PACSIN1: variants seen among roughly 807,000 people sequenced by gnomAD.
PACSIN1 encodes protein kinase C and casein kinase substrate in neurons protein 1.
PACSIN1 carries 15 observed loss-of-function variants against 59.5 expected under a neutral mutation model. The observed-to-expected ratio is 0.25, with a 90% CI of 0.17 to 0.39. The LOEUF is 0.39. Ranked by LOEUF, PACSIN1 falls within the 10% of genes least tolerant of loss-of-function variation. PACSIN1 has a pLI of 1.00. For synonymous variants in PACSIN1, 210 were observed against 220.6 expected, an observed-to-expected ratio of 0.95 and a Z score of 0.42; for missense variants, 420 against 580.2, an observed-to-expected ratio of 0.72 and a Z score of 2.84.
Position 34,531,668 on chromosome 6 carries a change from T to C in PACSIN1, c.1106T>C (p.Phe369Ser), listed in dbSNP as rs1767596084. The change falls in exon 9 of 10, where the codon TTT becomes TCT. Residue 369 changes from phenylalanine to serine, a missense_variant. Physicochemically the swap from Phe to Ser is radical, Grantham distance 155. Coordinates refer to ENST00000244458, the MANE Select transcript of PACSIN1 (RefSeq NM_020804.5). This position sits in a 1 kb window ranked among gnomAD's most constrained non-coding sequence, Gnocchi z 4.4. ...TCAGACGACGAGAGTGGGAACCCCT[T>C]TGGGGGCAGTGAGACCAACGGGGGC... ...EWSDDESGNP[F>S]GGSETNGGAN... The C allele has an allele frequency of 6.2e-7, 1 of 1,613,544 alleles. No homozygotes were observed. Among genetic ancestry groups the C allele is most frequent in the African/African-American group, 1.3e-5 (1 of 74,826 alleles).
Position 34,524,768 on chromosome 6 carries a change from C to T in PACSIN1, c.-63-1475C>T, listed in dbSNP as rs182440927. On this transcript the variant is annotated intron_variant, in intron 1 of 9. Transcript: ENST00000244458. ...TGTTCCCGGGTGAAGGGTGTGTACC[C>T]CATAATTGTATCAATAACAATTGTA... Among the ~76,000 whole-genome samples the T allele has an allele frequency of 4.2e-4, 64 of 152,326 alleles. 1 individual carries two copies. The highest frequency in any genetic ancestry group is 3.7e-3 in the Admixed American group (56 of 15,306).
chr6:34,509,920 GA>G (rs1235310314), intron 1 of PACSIN1, among the ~76,000 whole-genome samples: 2 of 152,218 alleles, frequency 1.3e-5, no homozygotes, highest in Middle Eastern at 3.2e-3. Flanking sequence ...TTAGTGTACA[GA>G]ATCAGCTTGA....
rs1157327258 is a variant in PACSIN1 at position 34,528,893 on chromosome 6, T to A, written c.456+16T>A. The A allele has an allele frequency of 4.4e-6, 2 of 451,854 alleles. No individual in the cohort carries two copies. The highest frequency in any genetic ancestry group is 4.9e-5 in the Admixed American group (2 of 40,702). 28.0% of individuals were successfully genotyped at this position (451,854 alleles called of 1,614,324 possible). A position where few individuals can be genotyped will look rare whatever the true frequency, so the allele number is the denominator to read the frequency against. ...GATGAAGGAGGTGCTCAGTGGGTGCTGCCACGGGCGGGGTGGGGTGGGCCC... is the reference window on the plus strand; with the variant it reads ...GATGAAGGAGGTGCTCAGTGGGTGCAGCCACGGGCGGGGTGGGGTGGGCCC... On this transcript the variant is annotated intron_variant, in intron 4 of 9. Transcript: ENST00000244458.
intron 1 of PACSIN1, among the ~76,000 whole-genome samples, chr6:34,468,909 T>A (rs1766533844): frequency 7.2e-6 from 1 of 138,374 alleles, no homozygotes; most frequent in African/African-American, 2.7e-5. Context: ...GAGTGACTGT[T>A]GGTCCCATCA....
chr6:34,521,600 C>G lies in PACSIN1; in HGVS notation c.-63-4643C>G, dbSNP rs1483784209. ...GCTGGCTCCAGAGCCCTGCACCCCC[C>G]AGTCTGCACTTCACAGGCTGCATCA... On this transcript the variant is annotated intron_variant, in intron 1 of 9. Transcript: ENST00000244458. This position sits in a 1 kb window ranked among gnomAD's most constrained non-coding sequence, Gnocchi z 4.3. Among the ~76,000 whole-genome samples, 2 of 152,162 alleles carry G rather than the reference C, an allele frequency of 1.3e-5. No homozygotes were observed. Among genetic ancestry groups the G allele is most frequent in the Admixed American group, 6.5e-5 (1 of 15,286 alleles).
At chr6:34,474,992 G>T (rs530791348) in intron 1 of PACSIN1, among the ~76,000 whole-genome samples, 1 of 152,134 alleles carries the variant, frequency 6.6e-6, no homozygotes, top group East Asian at 1.9e-4. Context: ...GGCCTACATG[G>T]CTCATGATGT....
chr6:34,500,298 G>A (rs543457943), intron 1 of PACSIN1, among the ~76,000 whole-genome samples: 105 of 152,192 alleles, frequency 6.9e-4, no homozygotes, highest in African/African-American at 2.2e-3. Flanking sequence ...TGCCTGATTC[G>A]CAAATAAAAA....
intron 1 of PACSIN1, among the ~76,000 whole-genome samples, chr6:34,478,354 G>A (rs533687293): frequency 5.2e-5 from 6 of 115,404 alleles, no homozygotes. Context: ...CCACCACGCC[G>A]AGCCTATTTA....
intron 1 of PACSIN1, among the ~76,000 whole-genome samples, chr6:34,493,343 G>T (rs1766904223): frequency 6.6e-6 from 1 of 152,158 alleles, no homozygotes; most frequent in South Asian, 2.1e-4. Context: ...GGTTGTTTGG[G>T]GGCTACTATG....
chr6:34,501,875 A>T (rs1378072275), intron 1 of PACSIN1, among the ~76,000 whole-genome samples: 1 of 151,608 alleles, frequency 6.6e-6, no homozygotes, highest in Non-Finnish European at 1.5e-5. Context: ...CTAAAAATAC[A>T]AAAAAAATTA....
intron 1 of PACSIN1, among the ~76,000 whole-genome samples, chr6:34,469,762 A>G (rs1766546442): frequency 6.6e-6 from 1 of 152,144 alleles, no homozygotes; most frequent in Non-Finnish European, 1.5e-5. Context: ...CCCTGGGGCA[A>G]CAGGTAGTGT....
Position 34,514,654 on chromosome 6 carries a change from C to T in PACSIN1, c.-63-11589C>T, listed in dbSNP as rs556772374. ...GCGGCCGAGCCTGTGTCCCCACCAG[C>T]GTCTCTGTGGCCGTGAAGTGTATGC... On this transcript the variant is annotated intron_variant, in intron 1 of 9. Transcript: ENST00000244458. The surrounding 1 kb of genome is among the most constrained non-coding windows in gnomAD (Gnocchi z 4.4). Among the ~76,000 whole-genome samples the T allele has an allele frequency of 2.8e-4, 42 of 152,222 alleles. No homozygotes were observed. The highest frequency in any genetic ancestry group is 4.7e-4 in the Non-Finnish European group (32 of 68,006).
At chr6:34,493,648 A>T (rs558397522) in intron 1 of PACSIN1, among the ~76,000 whole-genome samples, 1 of 152,318 alleles carries the variant, frequency 6.6e-6, no homozygotes, top group South Asian at 2.1e-4. Flanking sequence ...CTGGTGGGGA[A>T]CCAGTGCTCC....
chr6:34,514,279 C>G lies in PACSIN1; in HGVS notation c.-63-11964C>G, dbSNP rs769639138. On this transcript the variant is annotated intron_variant, in intron 1 of 9. Coordinates refer to ENST00000244458, the MANE Select transcript of PACSIN1 (RefSeq NM_020804.5). This position sits in a 1 kb window ranked among gnomAD's most constrained non-coding sequence, Gnocchi z 4.4. The stretch of plus-strand genomic sequence containing the variant: ...TGTCGGAACTGGCATCACAAGGTCT[C>G]GGTGCCGACAGCTAGCCCAGGAACC... Among the ~76,000 whole-genome samples the G allele has an allele frequency of 6.6e-6, 1 of 152,016 alleles. No individual in the cohort carries two copies. Among genetic ancestry groups the G allele is most frequent in the East Asian group, 1.9e-4 (1 of 5,156 alleles).
At position 34,527,189 on chromosome 6, in the gene PACSIN1, G is replaced by C. The variant is rs888328288; in HGVS notation, c.64-143G>C. 28 of 822,986 alleles carry C rather than the reference G, an allele frequency of 3.4e-5. No individual in the cohort carries two copies. In the Admixed American group the frequency reaches 6.3e-4, roughly 19 times the overall value. The allele number at this position is 822,986 out of a possible 1,614,324, so 51.0% of individuals were successfully genotyped here. The stretch of plus-strand genomic sequence containing the variant: ...GTGTTGCCGCTGCGCCGCGGGGCGG[G>C]GGGCGGGGGCGGGGGCGGGGACGGC... On this transcript the variant is annotated intron_variant, in intron 2 of 9. Coordinates refer to ENST00000244458, the MANE Select transcript of PACSIN1 (RefSeq NM_020804.5).
Position 34,487,520 on chromosome 6 carries a change from A to T in PACSIN1, c.-64+21250A>T, listed in dbSNP as rs142661973. Among the ~76,000 whole-genome samples, 765 of 152,210 alleles carry T rather than the reference A, an allele frequency of 5.0e-3. 8 individuals are homozygous for T. The highest frequency in any genetic ancestry group is 0.017 in the African/African-American group (713 of 41,536). On this transcript the variant is annotated intron_variant, in intron 1 of 9. Coordinates refer to ENST00000244458, the MANE Select transcript of PACSIN1 (RefSeq NM_020804.5). ...AAAATACTCTGAGCTGAAGGTTTGG[A>T]TGCAGGAGGTTTGGATGCAGGAGGT...
At chr6:34,471,257 T>C (rs550989804) in intron 1 of PACSIN1, among the ~76,000 whole-genome samples, 1 of 152,316 alleles carries the variant, frequency 6.6e-6, no homozygotes, top group East Asian at 1.9e-4. Context: ...CCTGAATTTT[T>C]ATTGACTAAA....
In PACSIN1 at chr6:34,529,854, G is replaced by A. The variant is rs1281885663; in HGVS notation, c.788+13G>A. The A allele has an allele frequency of 6.2e-7, 1 of 1,611,030 alleles. No individual in the cohort carries two copies. The highest frequency in any genetic ancestry group is 8.5e-7 in the Non-Finnish European group (1 of 1,178,598). ...CTGAGAACAGCAGGTACCTGGGCAT[G>A]GCAGGCACCGAGGGCACAGGCACAG... On this transcript the variant is annotated intron_variant, in intron 6 of 9. Transcript: ENST00000244458. The surrounding 1 kb of genome is among the most constrained non-coding windows in gnomAD (Gnocchi z 6.3).
intron 1 of PACSIN1, among the ~76,000 whole-genome samples, chr6:34,501,397 AG>A (rs1767020444): frequency 1.3e-5 from 2 of 152,016 alleles, no homozygotes; most frequent in Non-Finnish European, 2.9e-5. Flanking sequence ...CCTCAGTTTG[AG>A]GGGAGCAGAC....
Sources: gnomAD v4.1 joint callset for allele counts (sites outside exome capture counted in the v4.1 genomes callset) on GRCh38, gnomAD v4.1.1 for gene constraint, Gnocchi (gnomAD v3.1) non-coding constraint, MANE v1.5 for transcripts, NCBI Gene and HGNC (gene_info 2026-07-23, HGNC 2026-07-21) for gene names.